COL18A1: variants seen among roughly 807,000 people sequenced by gnomAD.
COL18A1 encodes collagen alpha-1(XVIII) chain.
Under a neutral mutation model 168.0 loss-of-function variants are expected in COL18A1, and 133 were observed. That is an observed-to-expected ratio of 0.79 (90% CI 0.69 to 0.91). COL18A1 has a LOEUF of 0.91. Among genes scored for constraint, COL18A1 ranks in the 40% least tolerant of loss-of-function variants. The probability of loss-of-function intolerance (pLI) is 0.00; values close to 1 mark genes in which losing one functional copy is unlikely to be tolerated. For missense variants in COL18A1, 2,126 were observed against 1,925.4 expected (o/e 1.10, Z -1.95); for synonymous variants, 949 against 809.0 (o/e 1.17, Z -2.94).
chr21:45,444,313 C>T (rs930254477), intron 2 of COL18A1, among the ~76,000 whole-genome samples: 4 of 151,954 alleles, frequency 2.6e-5, no homozygotes, highest in Admixed American at 1.3e-4. Context: ...GCCGTGTGCC[C>T]GAGTAGGTGG....
chr21:45,482,552 C>A (rs986857868), intron 14 of COL18A1, among the ~76,000 whole-genome samples: 1 of 152,204 alleles, frequency 6.6e-6, no homozygotes, highest in African/African-American at 2.4e-5. Context: ...GCCCCAGGCC[C>A]CACGTGTAGC....
chr21:45,507,143 TGTGG>T (rs2037257759), intron 37 of COL18A1: 1 of 165,070 alleles, frequency 6.1e-6, no homozygotes, highest in Non-Finnish European at 1.1e-5. Flanking sequence ...GGCACCCTCC[TGTGG>T]GCTGGGAGGG....
rs570964112 is a variant in COL18A1, at chr21:45,439,447, A to G, written c.107-28795A>G. 4.6e-5 allele frequency among the ~76,000 whole-genome samples: 7 copies of G among 152,388 alleles called. No individual in the cohort carries two copies. In the South Asian group the frequency reaches 1.2e-3, roughly 27 times the overall value. On this transcript the variant is annotated intron_variant, in intron 2 of 41. Coordinates refer to ENST00000651438, the MANE Select transcript of COL18A1 (RefSeq NM_001379500.1). ...ACTTTCTAGGCCTTTACGTATCGCA[A>G]CGTGTGCGTTACGTTCATCATAAAA...
In COL18A1 at chr21:45,504,510, C is replaced by A. The variant is rs984834874; in HGVS notation, c.2822C>A (p.Pro941His). ...TTCGGCTCCAGCCTGCCCGGCCCCC[C>A]CGGCCCCCCAGGCCCCCCAGGCCCA... ...GFFGSSLPGPPGPPGPPGPRG... is the reference protein window; with the variant it reads ...GFFGSSLPGPHGPPGPPGPRG... Residue 941 changes from proline to histidine, a missense_variant, in exon 34 of 42, where the codon CCC (proline) becomes CAC (histidine). Coordinates refer to ENST00000651438, the MANE Select transcript of COL18A1 (RefSeq NM_001379500.1). The A allele has an allele frequency of 7.1e-6, 10 of 1,414,932 alleles. No individual in the cohort carries two copies. The highest frequency in any genetic ancestry group is 8.4e-6 in the Non-Finnish European group (9 of 1,076,520). 87.6% of individuals were successfully genotyped at this position (1,414,932 alleles called of 1,614,324 possible).
intron 22 of COL18A1, 87 bp from the exon 23 acceptor site, chr21:45,492,448 T>G: frequency 1.4e-6 from 2 of 1,479,156 alleles, no homozygotes; most frequent in Non-Finnish European, 1.9e-6. Flanking sequence ...CCTGGTTTGG[T>G]GTTTTGTTGA....
chr21:45,479,847 G>C (rs2035831065), intron 9 of COL18A1, 55 bp from the exon 10 acceptor site: 1 of 1,610,158 alleles, frequency 6.2e-7, no homozygotes, highest in African/African-American at 1.3e-5. Context: ...GAGAGTGCTG[G>C]GTGCGGCCCA....
chr21:45,505,113 G>C (rs529342304), intron 34 of COL18A1, 21 bp from the exon 35 acceptor site: 1 of 1,605,032 alleles, frequency 6.2e-7, no homozygotes, highest in African/African-American at 1.3e-5. Context: ...ACCAGGAAGC[G>C]TCTCTTGTCG....
intron 2 of COL18A1, among the ~76,000 whole-genome samples, chr21:45,426,491 C>A (rs1222417533): frequency 6.6e-6 from 1 of 152,188 alleles, no homozygotes; most frequent in Non-Finnish European, 1.5e-5. Context: ...ACCCTCCTCG[C>A]CGAGATGGAG....
rs949483984 is a variant in COL18A1 at position 45,457,099 on chromosome 21, A to T, written c.107-11143A>T. 3.3e-5 allele frequency among the ~76,000 whole-genome samples: 5 copies of T among 151,950 alleles called. No individual in the cohort carries two copies. The highest frequency in any genetic ancestry group is 5.9e-5 in the Non-Finnish European group (4 of 67,972). Reference sequence around the variant, plus strand: ...AAGAGGGCTGGATGAACCGCAGCCGATGTGTCCAGGTGCCACCTGGGCCTG... The same window carrying T: ...AAGAGGGCTGGATGAACCGCAGCCGTTGTGTCCAGGTGCCACCTGGGCCTG... On this transcript the variant is annotated intron_variant, in intron 2 of 41. Coordinates refer to ENST00000651438, the MANE Select transcript of COL18A1 (RefSeq NM_001379500.1). This position sits in a 1 kb window ranked among gnomAD's most constrained non-coding sequence, Gnocchi z 4.6.
At chr21:45,428,011 A>T (rs1602359709) in intron 2 of COL18A1, among the ~76,000 whole-genome samples, 2 of 152,184 alleles carry the variant, frequency 1.3e-5, no homozygotes, top group African/African-American at 2.4e-5. Context: ...CCTGGGTCAC[A>T]GCCAACGCAG....
intron 38 of COL18A1, 138 bp from the exon 39 acceptor site, chr21:45,509,218 C>A: frequency 8.3e-7 from 1 of 1,211,016 alleles, no homozygotes; most frequent in Non-Finnish European, 1.1e-6. Flanking sequence ...CCCAGGGCAG[C>A]CCCAGAGTCG....
At position 45,498,728 on chromosome 21, in the gene COL18A1, T is replaced by C. The variant is rs1568931654; in HGVS notation, c.2683+1067T>C. 1.6e-5 allele frequency: 10 copies of C among 617,030 alleles called. No individual in the cohort carries two copies. Among genetic ancestry groups the C allele is most frequent in the Non-Finnish European group, 2.9e-5 (10 of 343,496 alleles). The allele number at this position is 617,030 out of a possible 1,614,324, so 38.2% of individuals were successfully genotyped here. A position where few individuals can be genotyped will look rare whatever the true frequency, so the allele number is the denominator to read the frequency against. On this transcript the variant is annotated intron_variant, in intron 32 of 41. Coordinates refer to ENST00000651438, the MANE Select transcript of COL18A1 (RefSeq NM_001379500.1). This position sits in a 1 kb window ranked among gnomAD's most constrained non-coding sequence, Gnocchi z 4.5. ...CAGGAAGGAGTGAATGATGCACAGA[T>C]GACCAGAAACCAGGAGAAGAGGCCA...
chr21:45,409,080 C>A (rs1223702829), intron 2 of COL18A1, among the ~76,000 whole-genome samples: 3 of 79,622 alleles, frequency 3.8e-5, no homozygotes, highest in African/African-American at 1.7e-4. Flanking sequence ...CCTCACCCCA[C>A]CCCCGGCATG....
intron 2 of COL18A1, among the ~76,000 whole-genome samples, chr21:45,428,276 C>T (rs958459479): frequency 6.6e-5 from 10 of 152,124 alleles, no homozygotes; most frequent in African/African-American, 1.9e-4. Context: ...TGGCTGAGCC[C>T]GCTCTGAGGA....
Position 45,425,714 on chromosome 21 carries a change from A to G in COL18A1, c.106+20241A>G, listed in dbSNP as rs2033778023. Among the ~76,000 whole-genome samples, 1 of 152,028 alleles carries G rather than the reference A, an allele frequency of 6.6e-6. No homozygotes were observed. The highest frequency in any genetic ancestry group is 1.5e-5 in the Non-Finnish European group (1 of 68,012). ...CTCTGGACTTGGGCAGCAGAAAGGA[A>G]ACATCCCTGGGGGCCTGTGGTGACC... On this transcript the variant is annotated intron_variant, in intron 2 of 41. Transcript: ENST00000651438. This position sits in a 1 kb window ranked among gnomAD's most constrained non-coding sequence, Gnocchi z 4.1.
rs74881750 is a variant in COL18A1 at position 45,506,189 on chromosome 21, A to G, written c.3216+223A>G. On this transcript the variant is annotated intron_variant, in intron 37 of 41. Coordinates refer to ENST00000651438, the MANE Select transcript of COL18A1 (RefSeq NM_001379500.1). ...CAAGCTTCTGAAAGTGGATGAACAC[A>G]TGGCGTGTGAGGGGCTCCTGGTGGG... 1.1e-3 allele frequency: 641 copies of G among 608,984 alleles called. 7 individuals carry two copies. In the East Asian group the frequency reaches 0.016, roughly 15 times the overall value. The allele number at this position is 608,984 out of a possible 1,614,324, so 37.7% of individuals were successfully genotyped here.
intron 4 of COL18A1, among the ~76,000 whole-genome samples, chr21:45,475,047 C>T (rs1326030403): frequency 1.3e-5 from 2 of 152,220 alleles, no homozygotes; most frequent in African/African-American, 2.4e-5. Flanking sequence ...TGTTTCTCCT[C>T]CGGGTTTTCC....
At chr21:45,460,492 G>A (rs1277902876) in intron 2 of COL18A1, among the ~76,000 whole-genome samples, 1 of 152,226 alleles carries the variant, frequency 6.6e-6, no homozygotes, top group Non-Finnish European at 1.5e-5. Flanking sequence ...GGGAGGCCAC[G>A]GGAGTGCACG....
intron 2 of COL18A1, chr21:45,467,212 A>G: frequency 1.0e-6 from 1 of 984,746 alleles, no homozygotes; most frequent in Non-Finnish European, 1.2e-6. Context: ...TGGGCAGGAA[A>G]CGAGGTGTGA....
Sources: gnomAD v4.1 joint callset for allele counts (sites outside exome capture counted in the v4.1 genomes callset) on GRCh38, gnomAD v4.1.1 for gene constraint, Gnocchi (gnomAD v3.1) non-coding constraint, MANE v1.5 for transcripts, NCBI Gene and HGNC (gene_info 2026-07-23, HGNC 2026-07-21) for gene names.